The following ZBTB40 variants were observed in gnomAD, a reference collection of about 807,000 sequenced individuals.
The protein encoded by ZBTB40 is zinc finger and BTB domain containing 40.
Under a neutral mutation model 117.5 loss-of-function variants are expected in ZBTB40, and 60 were observed. The ratio of observed to expected loss-of-function variants is 0.51; its 90% CI spans 0.41 to 0.63. ZBTB40 has a LOEUF of 0.63. Ranked by LOEUF, ZBTB40 falls within the 30% of genes least tolerant of loss-of-function variation. The pLI is 0.00. For synonymous variants in ZBTB40, 525 were observed against 577.1 expected, an observed-to-expected ratio of 0.91 and a Z score of 1.29; for missense variants, 1,287 against 1,498.5, an observed-to-expected ratio of 0.86 and a Z score of 2.33.
At chr1:22,517,506 G>C (rs745862012) in intron 13 of ZBTB40, 42 bp downstream of exon 13, 1 of 1,594,280 alleles carries the variant, frequency 6.3e-7, no homozygotes, top group Non-Finnish European at 8.6e-7. Flanking sequence ...GTGCCAGCCT[G>C]GCACTGGGAA....
chr1:22,477,349 T>C (rs1429832583), intron 1 of ZBTB40, among the ~76,000 whole-genome samples: 1 of 152,182 alleles, frequency 6.6e-6, no homozygotes, highest in Non-Finnish European at 1.5e-5. Flanking sequence ...CTGTTTTAAG[T>C]GTGAATACAC....
In ZBTB40 at chr1:22,473,209, T is replaced by C. The variant is rs1641454050; in HGVS notation, c.-69-16671T>C. ...CGGAGCGTATTAAAAATGAAGAGTC[T>C]GAGGCCCCACCCAGAACTTCTGAAT... is the stretch of plus-strand genomic sequence containing the variant. On this transcript the variant is annotated intron_variant, in intron 1 of 17. Transcript: ENST00000375647. Among the ~76,000 whole-genome samples the C allele has an allele frequency of 2.6e-5, 4 of 152,224 alleles. 1 individual carries two copies. In the South Asian group the frequency reaches 8.3e-4, roughly 32 times the overall value.
chr1:22,450,509 G>A (rs1640848318), upstream of ZBTB40, among the ~76,000 whole-genome samples: 1 of 152,224 alleles, frequency 6.6e-6, no homozygotes, highest in Non-Finnish European at 1.5e-5. Context: ...ACAAGGGTAT[G>A]AGGACAACAG....
Position 22,505,281 on chromosome 1 carries a change from A to G in ZBTB40, c.1168-768A>G, listed in dbSNP as rs548422784. On this transcript the variant is annotated intron_variant, in intron 5 of 17. Transcript: ENST00000375647. ...AGCTATGCATATTATGCTGTAGTCC[A>G]TTAAGAAATAGTTCTATTGTAATAT... is the stretch of plus-strand genomic sequence containing the variant. Among the ~76,000 whole-genome samples, 131 of 152,340 alleles carry G rather than the reference A, an allele frequency of 8.6e-4. No homozygotes were observed. In the Middle Eastern group the frequency reaches 0.01, roughly 12 times the overall value.
At chr1:22,514,384 G>A (rs908843313) in intron 12 of ZBTB40, among the ~76,000 whole-genome samples, 2 of 152,132 alleles carry the variant, frequency 1.3e-5, no homozygotes, top group African/African-American at 4.8e-5. Flanking sequence ...CCACTCAGTT[G>A]TGAAATCCAG....
At chr1:22,474,956 A>AAAT (rs2124409768) in intron 1 of ZBTB40, among the ~76,000 whole-genome samples, 1 of 151,786 alleles carries the variant, frequency 6.6e-6, no homozygotes, top group Non-Finnish European at 1.5e-5. Context: ...AAAAAAAAAA[A>AAAT]ACAGGTAAGC....
At chr1:22,498,252 T>G (rs1479933067) in intron 3 of ZBTB40, among the ~76,000 whole-genome samples, 1 of 152,240 alleles carries the variant, frequency 6.6e-6, no homozygotes, top group African/African-American at 2.4e-5. Context: ...ACTTAGCCCT[T>G]TCAACAGAAC....
upstream of ZBTB40, among the ~76,000 whole-genome samples, chr1:22,449,271 A>G (rs1033316360): frequency 3.9e-5 from 6 of 152,160 alleles, no homozygotes; most frequent in East Asian, 1.9e-4. Flanking sequence ...AAAGTAGAAA[A>G]AAAGTTGAAA....
intron 1 of ZBTB40, among the ~76,000 whole-genome samples, chr1:22,463,511 G>A (rs1337562167): frequency 6.6e-6 from 1 of 152,248 alleles, no homozygotes; most frequent in African/African-American, 2.4e-5. Flanking sequence ...GATTGGATTT[G>A]AAAGCATTGG....
Position 22,520,175 on chromosome 1 carries a change from G to A in ZBTB40, c.2948G>A (p.Cys983Tyr). The change falls in exon 14 of 18, where the codon TGT (cysteine) becomes TAT (tyrosine). Residue 983 changes from cysteine (C) to tyrosine (Y), a missense_variant. By Grantham distance (194) the Cys-to-Tyr change is radical. Coordinates refer to ENST00000375647, the MANE Select transcript of ZBTB40 (RefSeq NM_014870.4). ...AAAGAGTACCACCCCTGCCCCACGT[G>A]TGGGAAGATCTTCAGTGCCCCGTCC... ...HSKEYHPCPT[C>Y]GKIFSAPSML... 1.2e-6 allele frequency: 2 copies of A among 1,614,186 alleles called. No homozygotes were observed. Among genetic ancestry groups the A allele is most frequent in the Non-Finnish European group, 1.7e-6 (2 of 1,180,018 alleles).
chr1:22,430,574 C>T (rs1234958811), intron 1 of ZBTB40, among the ~76,000 whole-genome samples: 1 of 152,084 alleles, frequency 6.6e-6, no homozygotes, highest in Non-Finnish European at 1.5e-5. Flanking sequence ...CTGGCTTAGT[C>T]GATCCTCCCA....
intron 1 of ZBTB40, among the ~76,000 whole-genome samples, chr1:22,455,155 C>T (rs1640975721): frequency 6.6e-6 from 1 of 152,160 alleles, no homozygotes; most frequent in Admixed American, 6.5e-5. Context: ...ACTTATGTTC[C>T]TCCATCAAAG....
Position 22,489,910 on chromosome 1 carries a change from G to T in ZBTB40, c.-39G>T. 1.3e-6 allele frequency: 2 copies of T among 1,594,610 alleles called. No homozygotes were observed. Among genetic ancestry groups the T allele is most frequent in the South Asian group, 1.1e-5 (1 of 90,734 alleles). On this transcript the variant is annotated 5_prime_UTR_variant, in exon 2 of 18. Coordinates refer to ENST00000375647, the MANE Select transcript of ZBTB40 (RefSeq NM_014870.4). ...GTCCTCCCAAAGCCAACTCTAAGGA[G>T]AGGAGAGGAAGAGCAGTTCTTGGGG...
At chr1:22,515,440 G>A (rs1002208805) in intron 12 of ZBTB40, among the ~76,000 whole-genome samples, 1 of 152,214 alleles carries the variant, frequency 6.6e-6, no homozygotes, top group African/African-American at 2.4e-5. Context: ...CCATTCTGGA[G>A]GATAGCAATC....
At chr1:22,480,284 T>A (rs1348798746) in intron 1 of ZBTB40, among the ~76,000 whole-genome samples, 1 of 152,200 alleles carries the variant, frequency 6.6e-6, no homozygotes, top group East Asian at 1.9e-4. Context: ...CTGTCATTTG[T>A]CCATCTGTCT....
chr1:22,501,665 A>T lies in ZBTB40; in HGVS notation c.1005A>T (p.Val335=), dbSNP rs776787273. Residue 335 remains valine (V), a synonymous_variant, in exon 4 of 18, where the codon GTA becomes GTT. Transcript: ENST00000375647. ...TATTAGACAGGAAGCCAGAAGATGT[A>T]GACACAGTGCAGCCAAAAGGTAGGA... The part of the protein sequence containing the change: ...TALLDRKPED[V]DTVQPKGSTE... The T allele has an allele frequency of 6.2e-7, 1 of 1,613,920 alleles. No individual in the cohort carries two copies. Among genetic ancestry groups the T allele is most frequent in the South Asian group, 1.1e-5 (1 of 91,064 alleles).
chr1:22,468,487 T>C (rs1197312811), intron 1 of ZBTB40, among the ~76,000 whole-genome samples: 1 of 132,744 alleles, frequency 7.5e-6, no homozygotes, highest in Admixed American at 7.8e-5. Flanking sequence ...TTTTTTTTTT[T>C]TTTTTGGAGA....
At chr1:22,515,292 A>G (rs902173041) in intron 12 of ZBTB40, among the ~76,000 whole-genome samples, 1 of 152,242 alleles carries the variant, frequency 6.6e-6, no homozygotes, top group Non-Finnish European at 1.5e-5. Flanking sequence ...CAGAGATGCT[A>G]GCAAAGGCTG....
At chr1:22,464,283 T>C (rs934421320) in intron 1 of ZBTB40, among the ~76,000 whole-genome samples, 2 of 152,236 alleles carry the variant, frequency 1.3e-5, no homozygotes, top group Non-Finnish European at 2.9e-5. Context: ...AGCTCTGGCC[T>C]TTAACCACTA....
Sources: allele counts gnomAD v4.1 joint callset (sites outside exome capture counted in the v4.1 genomes callset), GRCh38; gene constraint gnomAD v4.1.1; transcripts MANE v1.5; gene names NCBI Gene and HGNC (gene_info 2026-07-23, HGNC 2026-07-21).